Variants in NDST4 observed in about 807,000 individuals in gnomAD.
NDST4 encodes N-deacetylase and N-sulfotransferase 4.
A neutral mutation model predicts 100.8 loss-of-function variants in NDST4; 63 were observed. The observed-to-expected ratio is 0.62, with a 90% CI of 0.51 to 0.77. The LOEUF (loss-of-function observed/expected upper bound fraction) is 0.77, where lower values mean the gene tolerates loss of function less well. NDST4 is among the 30% of genes least tolerant of loss of function. The probability of loss-of-function intolerance (pLI) is 0.00; values close to 1 mark genes in which losing one functional copy is unlikely to be tolerated. For missense variants in NDST4, 943 were observed against 1,018.4 expected (o/e 0.93, Z 1.01); for synonymous variants, 377 against 361.8 (o/e 1.04, Z -0.48).
At chr4:115,066,648 T>G (rs1458575507) in intron 2 of NDST4, among the ~76,000 whole-genome samples, 3 of 152,196 alleles carry the variant, frequency 2.0e-5, no homozygotes, top group African/African-American at 7.2e-5. Flanking sequence ...ATTCTTATTA[T>G]AAGCCTTTGA....
chr4:114,929,176 T>C (rs1725460389), intron 6 of NDST4, among the ~76,000 whole-genome samples: 1 of 141,372 alleles, frequency 7.1e-6, no homozygotes, highest in Middle Eastern at 3.3e-3. Context: ...ATCTAAATCC[T>C]GCTGGGTCTG....
At chr4:115,060,543 G>A (rs567237053) in intron 2 of NDST4, among the ~76,000 whole-genome samples, 1 of 152,008 alleles carries the variant, frequency 6.6e-6, no homozygotes, top group Admixed American at 6.6e-5. Context: ...ATTCAAGTAG[G>A]ATAGAGTTTC....
intron 6 of NDST4, among the ~76,000 whole-genome samples, chr4:114,911,684 A>AAATC (rs1230451587): frequency 6.6e-6 from 1 of 152,192 alleles, no homozygotes; most frequent in Non-Finnish European, 1.5e-5. Flanking sequence ...TGGAGGAAGA[A>AAATC]AATCATGAAA....
intron 7 of NDST4, among the ~76,000 whole-genome samples, chr4:114,867,646 T>TA (rs761173470): frequency 0.032 from 838 of 26,600 alleles, 13 homozygotes; most frequent in South Asian, 0.054. Flanking sequence ...ATGAGAATTA[T>TA]AAAAAAAAAA....
At chr4:115,002,260 G>A (rs143281746) in intron 2 of NDST4, among the ~76,000 whole-genome samples, 75 of 152,270 alleles carry the variant, frequency 4.9e-4, no homozygotes, top group African/African-American at 1.7e-3. Context: ...CAGTGATGAT[G>A]AGCTTTTTTT....
chr4:114,864,625 A>C (rs1488895568), intron 7 of NDST4, among the ~76,000 whole-genome samples: 1 of 152,216 alleles, frequency 6.6e-6, no homozygotes, highest in African/African-American at 2.4e-5. Context: ...AGACATCTTT[A>C]TGAAGGCTTG....
chr4:115,038,055 C>A (rs1300658133), intron 2 of NDST4, among the ~76,000 whole-genome samples: 1 of 152,108 alleles, frequency 6.6e-6, no homozygotes, highest in African/African-American at 2.4e-5. Flanking sequence ...ATACACTGTG[C>A]ATTTTGTGAG....
intron 6 of NDST4, among the ~76,000 whole-genome samples, chr4:114,876,078 A>G (rs971710750): frequency 6.6e-6 from 1 of 151,756 alleles, no homozygotes; most frequent in Non-Finnish European, 1.5e-5. Flanking sequence ...GGTTCCTAGG[A>G]AAAAAATGCA....
chr4:115,093,037 A>C (rs1384429322), intron 1 of NDST4, among the ~76,000 whole-genome samples: 1 of 152,210 alleles, frequency 6.6e-6, no homozygotes, highest in South Asian at 2.1e-4. Context: ...TTCACCAGGG[A>C]GACATTAAAA....
intron 4 of NDST4, among the ~76,000 whole-genome samples, chr4:114,957,751 C>T (rs947549300): frequency 2.0e-5 from 3 of 152,188 alleles, no homozygotes; most frequent in Admixed American, 1.3e-4. Context: ...GGTAAACACA[C>T]CTGTTCCAAA....
At chr4:114,877,367 A>G (rs1724277186) in intron 6 of NDST4, among the ~76,000 whole-genome samples, 1 of 152,130 alleles carries the variant, frequency 6.6e-6, no homozygotes, top group African/African-American at 2.4e-5. Context: ...TGATATTTCA[A>G]TATGTATATC....
At chr4:114,862,052 G>T (rs752301600) in intron 7 of NDST4, among the ~76,000 whole-genome samples, 35 of 152,108 alleles carry the variant, frequency 2.3e-4, no homozygotes, top group Non-Finnish European at 4.7e-4. Context: ...TGAAGGTGAG[G>T]TCTCTGTCTT....
intron 2 of NDST4, among the ~76,000 whole-genome samples, chr4:115,075,812 G>T (rs1261348724): frequency 1.6e-5 from 2 of 125,416 alleles, no homozygotes; most frequent in Non-Finnish European, 3.3e-5. Flanking sequence ...AAGGCAAAGA[G>T]ATTAAGTTCA....
chr4:114,883,776 G>A (rs1271654721), intron 6 of NDST4, among the ~76,000 whole-genome samples: 3 of 151,960 alleles, frequency 2.0e-5, no homozygotes, highest in African/African-American at 4.8e-5. Context: ...GAATGGTTTC[G>A]GATGAATCTG....
intron 2 of NDST4, among the ~76,000 whole-genome samples, chr4:114,982,354 G>C (rs279515): frequency 0.33 from 50,453 of 152,080 alleles, 8,412 homozygotes; most frequent in South Asian, 0.47. Flanking sequence ...GTCTCAGATG[G>C]AGATGGGGAA....
At chr4:115,062,738 A>G (rs973548935) in intron 2 of NDST4, among the ~76,000 whole-genome samples, 11 of 151,864 alleles carry the variant, frequency 7.2e-5, no homozygotes, top group Non-Finnish European at 2.9e-5. Context: ...AGAATAGCTA[A>G]TCATCCACAT....
intron 7 of NDST4, among the ~76,000 whole-genome samples, chr4:114,865,480 A>G (rs530400673): frequency 2.6e-5 from 4 of 152,290 alleles, no homozygotes; most frequent in African/African-American, 9.6e-5. Flanking sequence ...AATGAACTGT[A>G]TTTTTAAACT....
intron 1 of NDST4, among the ~76,000 whole-genome samples, chr4:115,103,726 A>C (rs1239021690): frequency 6.6e-6 from 1 of 152,214 alleles, no homozygotes; most frequent in Non-Finnish European, 1.5e-5. Flanking sequence ...GATATTAACA[A>C]ATAAAATGCC....
chr4:114,999,341 C>A (rs542079856), intron 2 of NDST4, among the ~76,000 whole-genome samples: 2 of 152,076 alleles, frequency 1.3e-5, no homozygotes, highest in South Asian at 4.1e-4. Context: ...CATTTAGATT[C>A]TCCTTCACCT....
Sources: gnomAD v4.1 joint callset for allele counts (sites outside exome capture counted in the v4.1 genomes callset) on GRCh38, gnomAD v4.1.1 for gene constraint, MANE v1.5 for transcripts, NCBI Gene and HGNC (gene_info 2026-07-23, HGNC 2026-07-21) for gene names.